The following ATG7 variants were observed in gnomAD, a reference collection of about 807,000 sequenced individuals.
ATG7 encodes the protein ubiquitin-like modifier-activating enzyme ATG7.
A neutral mutation model predicts 82.4 loss-of-function variants in ATG7; 70 were observed. The observed-to-expected ratio is 0.85, with a 90% CI of 0.70 to 1.04. The LOEUF (loss-of-function observed/expected upper bound fraction) is 1.04, where lower values mean the gene tolerates loss of function less well. Ranked by LOEUF, ATG7 falls within the 50% of genes least tolerant of loss-of-function variation. ATG7 has a pLI of 0.00. For missense variants in ATG7, 792 were observed against 864.3 expected, an observed-to-expected ratio of 0.92 and a Z score of 1.05; for synonymous variants, 287 against 313.0, an observed-to-expected ratio of 0.92 and a Z score of 0.88.
chr3:11,416,447 T>G (rs2081381480), intron 19 of ATG7, among the ~76,000 whole-genome samples: 1 of 152,164 alleles, frequency 6.6e-6, no homozygotes, highest in Non-Finnish European at 1.5e-5. Context: ...GATTCTGTCT[T>G]TAAATAATTG....
chr3:11,361,429 T>C (rs2076276885), intron 16 of ATG7, among the ~76,000 whole-genome samples: 1 of 151,878 alleles, frequency 6.6e-6, no homozygotes, highest in Non-Finnish European at 1.5e-5. Flanking sequence ...AGATTACAGG[T>C]GTGTGCCACC....
chr3:11,307,832 G>A (rs976376032), intron 6 of ATG7, among the ~76,000 whole-genome samples: 12 of 152,192 alleles, frequency 7.9e-5, no homozygotes, highest in Non-Finnish European at 1.5e-4. Context: ...TGGGTGCAGT[G>A]GTCAGGTCCT....
At chr3:11,434,251 T>A (rs988627111) in intron 20 of ATG7, among the ~76,000 whole-genome samples, 2 of 152,216 alleles carry the variant, frequency 1.3e-5, no homozygotes, top group Non-Finnish European at 2.9e-5. Context: ...TACAGCTTCA[T>A]CAAGAGCCTC....
intron 19 of ATG7, among the ~76,000 whole-genome samples, chr3:11,425,462 T>TC (rs2082286758): frequency 6.6e-6 from 1 of 152,244 alleles, no homozygotes; most frequent in Non-Finnish European, 1.5e-5. Flanking sequence ...AGATATGTCT[T>TC]CAATGTCTGC....
At chr3:11,527,025 ATG>A (rs1172153865) in intron 20 of ATG7, among the ~76,000 whole-genome samples, 8 of 146,138 alleles carry the variant, frequency 5.5e-5, no homozygotes, top group Admixed American at 4.2e-4. Flanking sequence ...TAGTATATAT[ATG>A]TGTGTGTGTA....
intron 20 of ATG7, among the ~76,000 whole-genome samples, chr3:11,442,415 A>C (rs535071271): frequency 1.3e-5 from 2 of 152,314 alleles, no homozygotes; most frequent in South Asian, 4.1e-4. Context: ...AACTAAATAC[A>C]AACGAACCAA....
chr3:11,402,349 C>A (rs979468720), intron 19 of ATG7, among the ~76,000 whole-genome samples: 4 of 152,122 alleles, frequency 2.6e-5, no homozygotes, highest in Non-Finnish European at 5.9e-5. Flanking sequence ...GGGAGGATTG[C>A]TTGAATCCAG....
chr3:11,517,371 A>G (rs1179150511), intron 20 of ATG7, among the ~76,000 whole-genome samples: 3 of 152,046 alleles, frequency 2.0e-5, no homozygotes, highest in African/African-American at 7.2e-5. Flanking sequence ...AGAAAAGAAA[A>G]AAACAATGAT....
At chr3:11,440,327 T>TA (rs1429660031) in intron 20 of ATG7, among the ~76,000 whole-genome samples, 1 of 141,664 alleles carries the variant, frequency 7.1e-6, no homozygotes, top group Non-Finnish European at 1.5e-5. Context: ...TTTACTCTTT[T>TA]TTTTTTTTTT....
At chr3:11,376,917 T>A (rs1419544284) in intron 18 of ATG7, among the ~76,000 whole-genome samples, 2 of 152,102 alleles carry the variant, frequency 1.3e-5, no homozygotes, top group Non-Finnish European at 2.9e-5. Context: ...TTTTTTGTAT[T>A]TTTAGTAGAG....
chr3:11,474,485 A>G (rs887734358), intron 20 of ATG7, among the ~76,000 whole-genome samples: 1 of 152,322 alleles, frequency 6.6e-6, no homozygotes, highest in Middle Eastern at 3.4e-3. Flanking sequence ...CTGTGGTCCC[A>G]GCTACTCTGG....
intron 20 of ATG7, among the ~76,000 whole-genome samples, chr3:11,549,053 T>C (rs929491283): frequency 6.6e-6 from 1 of 151,762 alleles, no homozygotes; most frequent in African/African-American, 2.4e-5. Context: ...GCCAGCGTTA[T>C]CTCAGTGCAG....
chr3:11,573,291 GAAAGAAAGAAAGAAAGGAAGGAAGGA>G, the ATG7 span, among the ~76,000 whole-genome samples: 12 of 10,914 alleles, frequency 1.1e-3, no homozygotes, highest in African/African-American at 1.5e-3. Flanking sequence ...AAGAAAGAAA[GAAAGAAAGAAAGAAAGGAAGGAAGGA>G]AGAAAGAAAG....
chr3:11,326,562 T>G (rs1950911684), intron 9 of ATG7, among the ~76,000 whole-genome samples: 1 of 152,192 alleles, frequency 6.6e-6, no homozygotes, highest in South Asian at 2.1e-4. Context: ...CCTTCCAGAG[T>G]GCTGGGATTA....
chr3:11,302,287 T>C (rs1289333857), intron 5 of ATG7, among the ~76,000 whole-genome samples: 1 of 152,204 alleles, frequency 6.6e-6, no homozygotes, highest in Admixed American at 6.5e-5. Flanking sequence ...TTCTTTCCAG[T>C]TTTAAAAGTC....
chr3:11,385,943 C>T (rs1016069144), intron 19 of ATG7, among the ~76,000 whole-genome samples: 2 of 152,132 alleles, frequency 1.3e-5, no homozygotes, highest in African/African-American at 4.8e-5. Context: ...ATCTGGTATA[C>T]GTTGTCTAAT....
intron 19 of ATG7, among the ~76,000 whole-genome samples, chr3:11,407,035 G>A (rs911025353): frequency 6.6e-6 from 1 of 152,198 alleles, no homozygotes; most frequent in Non-Finnish European, 1.5e-5. Flanking sequence ...TAACGCAGTA[G>A]TCCAAAGTCT....
intron 19 of ATG7, among the ~76,000 whole-genome samples, chr3:11,387,397 C>G (rs1339217986): frequency 6.6e-6 from 1 of 152,194 alleles, no homozygotes; most frequent in East Asian, 1.9e-4. Flanking sequence ...CTTTCCCTGT[C>G]ACCTGTGGTC....
At chr3:11,333,957 T>A (rs1233380925) in intron 11 of ATG7, among the ~76,000 whole-genome samples, 1 of 151,926 alleles carries the variant, frequency 6.6e-6, no homozygotes. Flanking sequence ...CCGTGTGTTA[T>A]CCAGGATGGT....
Sources: allele counts gnomAD v4.1 joint callset (sites outside exome capture counted in the v4.1 genomes callset), GRCh38; gene constraint gnomAD v4.1.1; transcripts MANE v1.5; gene names NCBI Gene and HGNC (gene_info 2026-07-23, HGNC 2026-07-21).